AKT2: variants seen among roughly 807,000 people sequenced by gnomAD.
AKT2 encodes RAC-beta serine/threonine-protein kinase.
AKT2 carries 16 observed loss-of-function variants against 58.6 expected under a neutral mutation model. The observed-to-expected ratio is 0.27, with a 90% CI of 0.18 to 0.41. AKT2 has a LOEUF of 0.41. Ranked by LOEUF, AKT2 falls within the 10% of genes least tolerant of loss-of-function variation. AKT2 has a pLI of 1.00. For synonymous variants in AKT2, 253 were observed against 254.0 expected, an observed-to-expected ratio of 1.00 and a Z score of 0.04; for missense variants, 438 against 661.0, an observed-to-expected ratio of 0.66 and a Z score of 3.70.
chr19:40,280,176 G>A (rs539659533), intron 1 of AKT2, among the ~76,000 whole-genome samples: 47 of 152,376 alleles, frequency 3.1e-4, no homozygotes, highest in African/African-American at 1.1e-3. Flanking sequence ...CCACGGCAGC[G>A]TGGACGCAGG....
rs1219974528 is a variant in AKT2 at position 40,234,769 on chromosome 19, G to A, written c.1366+276C>T. On this transcript the variant is annotated intron_variant, in intron 13 of 13. Transcript: ENST00000392038. The surrounding 1 kb of genome is among the most constrained non-coding windows in gnomAD (Gnocchi z 4.7). ...GTTCAGAGTAAGAACCCAAACAGCTGTAAAGCAGTGAACCCAGCCAGGCTC... is the reference window on the plus strand; with the variant it reads ...GTTCAGAGTAAGAACCCAAACAGCTATAAAGCAGTGAACCCAGCCAGGCTC... 8.1e-6 allele frequency: 5 copies of A among 613,528 alleles called. No homozygotes were observed. The highest frequency in any genetic ancestry group is 1.8e-5 in the African/African-American group (1 of 54,092). The allele number at this position is 613,528 out of a possible 1,614,324, so 38.0% of individuals were successfully genotyped here. A position where few individuals can be genotyped will look rare whatever the true frequency, so the allele number is the denominator to read the frequency against.
chr19:40,247,192 C>A (rs1974812025), intron 4 of AKT2, among the ~76,000 whole-genome samples: 1 of 152,202 alleles, frequency 6.6e-6, no homozygotes. Flanking sequence ...CAAGGGTTTG[C>A]AACATGGCGT....
chr19:40,235,001 A>C lies in AKT2; in HGVS notation c.1366+44T>G. 1.3e-6 allele frequency: 2 copies of C among 1,535,250 alleles called. No individual in the cohort carries two copies. The highest frequency in any genetic ancestry group is 1.8e-6 in the Non-Finnish European group (2 of 1,108,618). Reference sequence around the variant, plus strand: ...AGTTAAGAGCAGATCCCATCCCTCCACCCCTGGGGCAGGCACACCAGCGCG... The same window carrying C: ...AGTTAAGAGCAGATCCCATCCCTCCCCCCCTGGGGCAGGCACACCAGCGCG... On this transcript the variant is annotated intron_variant, in intron 13 of 13. Transcript: ENST00000392038. The surrounding 1 kb of genome is among the most constrained non-coding windows in gnomAD (Gnocchi z 6.3).
intron 4 of AKT2, among the ~76,000 whole-genome samples, chr19:40,254,033 T>C (rs1418266131): frequency 6.6e-6 from 1 of 150,912 alleles, no homozygotes; most frequent in Non-Finnish European, 1.5e-5. Flanking sequence ...CTCTGCTCTT[T>C]GAGGGCACCT....
chr19:40,283,308 T>G (rs1461672819), intron 1 of AKT2: 2 of 152,380 alleles, frequency 1.3e-5, no homozygotes, highest in South Asian at 2.1e-4. Context: ...CTGTCAGCCA[T>G]CAATTTCATG....
At chr19:40,244,689 C>T (rs182799254) in intron 4 of AKT2, among the ~76,000 whole-genome samples, 18 of 152,304 alleles carry the variant, frequency 1.2e-4, no homozygotes, top group Admixed American at 7.2e-4. Flanking sequence ...TGTAATCACG[C>T]AAATCCCAGT....
intron 3 of AKT2, 87 bp from the exon 4 acceptor site, chr19:40,255,356 G>A: frequency 9.5e-7 from 1 of 1,055,264 alleles, no homozygotes; most frequent in Non-Finnish European, 1.5e-6. Context: ...CCTCCCACAG[G>A]CCTAGCCCCA....
At position 40,235,292 on chromosome 19, in the gene AKT2, T is replaced by C; in HGVS notation, c.1234A>G (p.Ile412Val). The C allele has an allele frequency of 6.2e-7, 1 of 1,614,038 alleles. No homozygotes were observed. Among genetic ancestry groups the C allele is most frequent in the Non-Finnish European group, 8.5e-7 (1 of 1,180,000 alleles). Residue 412 changes from isoleucine (I) to valine (V), a missense_variant, in exon 12 of 14, where the codon ATC (isoleucine) becomes GTC (valine). Coordinates refer to ENST00000392038, the MANE Select transcript of AKT2 (RefSeq NM_001626.6). This position sits in a 1 kb window ranked among gnomAD's most constrained non-coding sequence, Gnocchi z 6.3. The stretch of plus-strand genomic sequence containing the variant: ...TTCTGGACCACGTCCTGCCAGTTGA[T>C]GCTGAGGAAGAACCTGTGCTCCATG... ...EVMEHRFFLS[I>V]NWQDVVQKKL...
Position 40,242,153 on chromosome 19 carries a change from C to G in AKT2, c.442-84G>C. The G allele has an allele frequency of 6.3e-7, 1 of 1,582,422 alleles. No homozygotes were observed. Among genetic ancestry groups the G allele is most frequent in the South Asian group, 1.1e-5 (1 of 89,960 alleles). ...AATTTTAACAAAAGAAAGAGGAAAA[C>G]CAAAAGACACTGTTGCCAAACGGCT... On this transcript the variant is annotated intron_variant, in intron 5 of 13. Coordinates refer to ENST00000392038, the MANE Select transcript of AKT2 (RefSeq NM_001626.6). The surrounding 1 kb of genome is among the most constrained non-coding windows in gnomAD (Gnocchi z 4.3).
intron 4 of AKT2, among the ~76,000 whole-genome samples, chr19:40,250,275 G>C (rs1030679777): frequency 1.3e-5 from 2 of 152,018 alleles, no homozygotes; most frequent in African/African-American, 4.8e-5. Flanking sequence ...GGCCGAGGCG[G>C]GCAGATCACC....
At position 40,235,381 on chromosome 19, in the gene AKT2, C is replaced by T. The variant is rs756305302; in HGVS notation, c.1176-31G>A. 1 of 1,610,470 alleles carries T rather than the reference C, an allele frequency of 6.2e-7. No homozygotes were observed. Among genetic ancestry groups the T allele is most frequent in the South Asian group, 1.1e-5 (1 of 91,030 alleles). ...CAGAGACGGCCGTCAGCACCTGCCT[C>T]CCGGAGCAGCTGGGTTCGGGCAGAC... On this transcript the variant is annotated intron_variant, in intron 11 of 13. Transcript: ENST00000392038. The surrounding 1 kb of genome is among the most constrained non-coding windows in gnomAD (Gnocchi z 6.3).
chr19:40,270,535 G>A (rs942980990), intron 1 of AKT2: 2 of 152,418 alleles, frequency 1.3e-5, no homozygotes, highest in Middle Eastern at 3.4e-3. Context: ...GGGCTAGGGA[G>A]GCAGGTGGGG....
At chr19:40,249,355 G>GGCAGGCCCTGC (rs1157319780) in intron 4 of AKT2, among the ~76,000 whole-genome samples, 3 of 152,152 alleles carry the variant, frequency 2.0e-5, no homozygotes, top group Non-Finnish European at 4.4e-5. Context: ...AGCTGCCATG[G>GGCAGGCCCTGC]GCAGGCCCTG....
At chr19:40,281,951 G>A (rs758778804) in intron 1 of AKT2, among the ~76,000 whole-genome samples, 7 of 152,210 alleles carry the variant, frequency 4.6e-5, no homozygotes, top group Non-Finnish European at 8.8e-5. Context: ...TGGCACCGAT[G>A]ATGAAATGAG....
At position 40,233,407 on chromosome 19, in the gene AKT2, G is replaced by C. The variant is rs1973815485; in HGVS notation, c.*465C>G. 1 of 467,002 alleles carries C rather than the reference G, an allele frequency of 2.1e-6. No homozygotes were observed. The highest frequency in any genetic ancestry group is 3.8e-5 in the East Asian group (1 of 26,274). 28.9% of individuals were successfully genotyped at this position (467,002 alleles called of 1,614,324 possible). A position where few individuals can be genotyped will look rare whatever the true frequency, so the allele number is the denominator to read the frequency against. On this transcript the variant is annotated 3_prime_UTR_variant, in exon 14 of 14. Transcript: ENST00000392038. This position sits in a 1 kb window ranked among gnomAD's most constrained non-coding sequence, Gnocchi z 4.3. Reference sequence around the variant, plus strand: ...TGGGGGATTGGACCGCCCCGTGCCTGGCCACTCCGAGCCTAGGCCACGGGG... The same window carrying C: ...TGGGGGATTGGACCGCCCCGTGCCTCGCCACTCCGAGCCTAGGCCACGGGG...
At chr19:40,267,806 C>T (rs949753258) in intron 1 of AKT2, among the ~76,000 whole-genome samples, 4 of 152,126 alleles carry the variant, frequency 2.6e-5, no homozygotes, top group African/African-American at 9.7e-5. Flanking sequence ...TCATGAGGCT[C>T]ACAGTCTGGT....
rs1489700505 is a variant in AKT2 at position 40,230,561 on chromosome 19, T to A, written c.*3311A>T. 1 of 227,604 alleles carries A rather than the reference T, an allele frequency of 4.4e-6. No individual in the cohort carries two copies. The highest frequency in any genetic ancestry group is 8.7e-6 in the Non-Finnish European group (1 of 114,628). The allele number at this position is 227,604 out of a possible 1,614,324, so 14.1% of individuals were successfully genotyped here. A position where few individuals can be genotyped will look rare whatever the true frequency, so the allele number is the denominator to read the frequency against. ...AGGCTTCACATTAACTGGAAAAGAT[T>A]ACACAAAAAGAGCAGGAAACTACCA... On this transcript the variant is annotated 3_prime_UTR_variant, in exon 14 of 14. Transcript: ENST00000392038.
chr19:40,271,224 T>TAC, intron 1 of AKT2, among the ~76,000 whole-genome samples: 1 of 145,810 alleles, frequency 6.9e-6, no homozygotes, highest in African/African-American at 2.5e-5. Context: ...TATATATATA[T>TAC]ATACACACAT....
At chr19:40,243,635 T>C (rs1974552100) in intron 4 of AKT2, 1 of 152,206 alleles carries the variant, frequency 6.6e-6, no homozygotes, top group Non-Finnish European at 1.5e-5. Context: ...ACACCTGTAA[T>C]CCCAGCATTT....
Sources: allele counts gnomAD v4.1 joint callset (sites outside exome capture counted in the v4.1 genomes callset), GRCh38; gene constraint gnomAD v4.1.1; non-coding constraint Gnocchi (gnomAD v3.1); transcripts MANE v1.5; gene names NCBI Gene and HGNC (gene_info 2026-07-23, HGNC 2026-07-21).